Variants in NAA25 observed in about 807,000 individuals in gnomAD.
NAA25 encodes N-terminal acetyltransferase B complex subunit NAA25.
NAA25 carries 30 observed loss-of-function variants against 132.5 expected under a neutral mutation model. The observed-to-expected ratio is 0.23, with a 90% CI of 0.17 to 0.31. The LOEUF (loss-of-function observed/expected upper bound fraction) is 0.31. Among genes scored for constraint, NAA25 ranks in the 10% least tolerant of loss-of-function variants. NAA25 has a pLI of 1.00. For missense variants in NAA25, 771 were observed against 1,150.4 expected (o/e 0.67, Z 4.77); for synonymous variants, 359 against 401.9 (o/e 0.89, Z 1.28).
At chr12:112,082,794 G>C (rs1286100735) in intron 4 of NAA25, among the ~76,000 whole-genome samples, 1 of 145,128 alleles carries the variant, frequency 6.9e-6, no homozygotes, top group African/African-American at 2.5e-5. Context: ...GGCGGGGGGT[G>C]GGGGGTGCGG....
rs929520555 is a variant in NAA25 at position 112,027,722 on chromosome 12, T to C, written c.*1809A>G. Reference sequence around the variant, plus strand: ...ACTTTTTTGGATATTCAGAGAGACATCATTTCAAGAACACACGCCATACAC... The same window carrying C: ...ACTTTTTTGGATATTCAGAGAGACACCATTTCAAGAACACACGCCATACAC... On this transcript the variant is annotated 3_prime_UTR_variant, in exon 24 of 24. Coordinates refer to ENST00000261745, the MANE Select transcript of NAA25 (RefSeq NM_024953.4). The C allele has an allele frequency of 6.6e-6, 1 of 152,212 alleles. No individual in the cohort carries two copies. Among genetic ancestry groups the C allele is most frequent in the Non-Finnish European group, 1.5e-5 (1 of 68,032 alleles). 9.4% of individuals were successfully genotyped at this position (152,212 alleles called of 1,614,324 possible).
intron 13 of NAA25, among the ~76,000 whole-genome samples, chr12:112,059,075 C>CAAAA (rs530305102): frequency 1.6e-5 from 1 of 63,236 alleles, no homozygotes; most frequent in Non-Finnish European, 3.9e-5. Context: ...CTCCATCTCA[C>CAAAA]AAAAAAAAAA....
chr12:112,055,350 G>A (rs1566008195), intron 13 of NAA25, among the ~76,000 whole-genome samples: 1 of 152,114 alleles, frequency 6.6e-6, no homozygotes, highest in Non-Finnish European at 1.5e-5. Flanking sequence ...AGTACAAAGA[G>A]TTGATCTCAA....
intron 1 of NAA25, among the ~76,000 whole-genome samples, 170 bp downstream of exon 1, chr12:112,108,546 G>A (rs1281927899): frequency 6.6e-6 from 1 of 151,758 alleles, no homozygotes; most frequent in African/African-American, 2.4e-5. Flanking sequence ...GGAAGGTTGG[G>A]CCGGCGCCTA....
chr12:112,031,554 G>A (rs1178355066), intron 23 of NAA25, among the ~76,000 whole-genome samples: 2 of 152,142 alleles, frequency 1.3e-5, no homozygotes, highest in Non-Finnish European at 2.9e-5. Flanking sequence ...GCTAGGGCTT[G>A]AAAAATCCAG....
chr12:112,075,035 A>G (rs1329028646), intron 8 of NAA25, among the ~76,000 whole-genome samples: 2 of 152,194 alleles, frequency 1.3e-5, no homozygotes, highest in African/African-American at 4.8e-5. Context: ...AAGTCCCCAC[A>G]TAAGCACTTC....
intron 4 of NAA25, among the ~76,000 whole-genome samples, chr12:112,087,104 C>T (rs890479472): frequency 7.2e-5 from 11 of 151,914 alleles, no homozygotes; most frequent in Admixed American, 2.6e-4. Flanking sequence ...TAGCTTTACC[C>T]GCAACCTAAT....
Position 112,094,240 on chromosome 12 carries a change from C to CAA in NAA25, c.59-1106_59-1105dup, listed in dbSNP as rs199734463. On this transcript the variant is annotated intron_variant, in intron 1 of 23. Transcript: ENST00000261745. ...TAGGCGACAGAGGGAGACTCTGTCTCAAAAAAAAAAAAAAAAAAAAAAGAA... is the reference window on the plus strand; with the variant it reads ...TAGGCGACAGAGGGAGACTCTGTCTCAAAAAAAAAAAAAAAAAAAAAAAAGAA... 3.3e-3 allele frequency among the ~76,000 whole-genome samples: 229 copies of CAA among 68,588 alleles called. 3 individuals are homozygous for CAA. The highest frequency in any genetic ancestry group is 0.023 in the East Asian group (76 of 3,376). 45.0% of individuals were successfully genotyped at this position (68,588 alleles called of 152,430 possible). A position where few individuals can be genotyped will look rare whatever the true frequency, so the allele number is the denominator to read the frequency against.
At chr12:112,061,969 A>C (rs899967710) in intron 11 of NAA25, among the ~76,000 whole-genome samples, 3 of 152,326 alleles carry the variant, frequency 2.0e-5, no homozygotes. Context: ...TCTTGCCTTA[A>C]AATGTTTTTC....
chr12:112,075,335 C>T (rs2078880998), intron 8 of NAA25, among the ~76,000 whole-genome samples: 1 of 152,148 alleles, frequency 6.6e-6, no homozygotes, highest in South Asian at 2.1e-4. Flanking sequence ...ACTACAGGCA[C>T]GCACCACCAC....
At chr12:112,067,027 C>A (rs1040010563) in intron 11 of NAA25, among the ~76,000 whole-genome samples, 24 of 152,220 alleles carry the variant, frequency 1.6e-4, no homozygotes, top group African/African-American at 5.8e-4. Context: ...CATGGTAAAA[C>A]CCCATCTCTA....
Position 112,049,804 on chromosome 12 carries a change from A to G in NAA25, c.1729-1361T>C, listed in dbSNP as rs542412276. Among the ~76,000 whole-genome samples, 3 of 152,298 alleles carry G rather than the reference A, an allele frequency of 2.0e-5. No individual in the cohort carries two copies. In the South Asian group the frequency reaches 6.2e-4, roughly 32 times the overall value. On this transcript the variant is annotated intron_variant, in intron 15 of 23. Coordinates refer to ENST00000261745, the MANE Select transcript of NAA25 (RefSeq NM_024953.4). This position sits in a 1 kb window ranked among gnomAD's most constrained non-coding sequence, Gnocchi z 4.7. ...CCTATCCTATGGCCCCTTGGCTTAG[A>G]AAACACAGCAAGGTTTACTACTATT...
At chr12:112,089,348 G>C (rs1214779801) in intron 3 of NAA25, among the ~76,000 whole-genome samples, 2 of 152,130 alleles carry the variant, frequency 1.3e-5, no homozygotes, top group Non-Finnish European at 2.9e-5. Flanking sequence ...TAAGCAATCA[G>C]AACTCAAAAA....
chr12:112,060,564 G>A (rs2078612989), intron 12 of NAA25, among the ~76,000 whole-genome samples: 2 of 152,196 alleles, frequency 1.3e-5, no homozygotes, highest in Admixed American at 6.5e-5. Flanking sequence ...TGGAACAGAA[G>A]GTAGGGTTCC....
chr12:112,060,219 A>G (rs2136857865), intron 13 of NAA25, 51 bp downstream of exon 13: 1 of 1,208,304 alleles, frequency 8.3e-7, no homozygotes. Flanking sequence ...TGCAGTACTT[A>G]TAATCAATAA....
intron 1 of NAA25, among the ~76,000 whole-genome samples, chr12:112,096,786 G>T (rs1327633080): frequency 6.6e-6 from 1 of 152,146 alleles, no homozygotes; most frequent in Admixed American, 6.6e-5. Context: ...ACTTGATGCT[G>T]ATCTCATTCT....
At chr12:112,037,571 A>C (rs2078241984) in intron 22 of NAA25, 1 of 144,964 alleles carries the variant, frequency 6.9e-6, no homozygotes, top group South Asian at 2.3e-4. Flanking sequence ...AGAGGGAAAA[A>C]GGCACCTTTA....
At chr12:112,061,725 G>A (rs564697219) in intron 11 of NAA25, among the ~76,000 whole-genome samples, 1 of 151,782 alleles carries the variant, frequency 6.6e-6, no homozygotes, top group African/African-American at 2.4e-5. Context: ...TTACAGCAAT[G>A]AAAACATTAG....
rs1314498661 is a variant in NAA25, at chr12:112,068,767, T to C, written c.1149+113A>G. 26 of 619,010 alleles carry C rather than the reference T, an allele frequency of 4.2e-5. No homozygotes were observed. The Middle Eastern group carries it at 8.9e-4, about 21-fold the overall frequency. 38.3% of individuals were successfully genotyped at this position (619,010 alleles called of 1,614,324 possible). On this transcript the variant is annotated intron_variant, in intron 11 of 23. Transcript: ENST00000261745. ...CTTAGCTTGACAGGGCAGTTATCAT[T>C]GTATCTCATGATTATCAATTCCGCA...
Sources: gnomAD v4.1 joint callset for allele counts (sites outside exome capture counted in the v4.1 genomes callset) on GRCh38, gnomAD v4.1.1 for gene constraint, Gnocchi (gnomAD v3.1) non-coding constraint, MANE v1.5 for transcripts, NCBI Gene and HGNC (gene_info 2026-07-23, HGNC 2026-07-21) for gene names.